The following RAP1A variants were observed in gnomAD, a reference collection of about 807,000 sequenced individuals.
The protein encoded by RAP1A is RAP1A, member of RAS oncogene family.
Under a neutral mutation model 26.4 loss-of-function variants are expected in RAP1A, and 6 were observed. The ratio of observed to expected loss-of-function variants is 0.23; its 90% CI spans 0.12 to 0.45. The LOEUF (loss-of-function observed/expected upper bound fraction) is 0.45. Among genes scored for constraint, RAP1A ranks in the 20% least tolerant of loss-of-function variants. The pLI is 0.99. For synonymous variants in RAP1A, 73 were observed against 79.4 expected (o/e 0.92, Z 0.43); for missense variants, 121 against 217.2 (o/e 0.56, Z 2.78).
At chr1:111,690,982 G>A (rs1661648083) in intron 1 of RAP1A, among the ~76,000 whole-genome samples, 1 of 152,182 alleles carries the variant, frequency 6.6e-6, no homozygotes, top group South Asian at 2.1e-4. Flanking sequence ...TTTTTAAACA[G>A]TACATAAGTT....
intron 1 of RAP1A, among the ~76,000 whole-genome samples, chr1:111,645,750 C>T (rs1199155212): frequency 1.3e-5 from 2 of 152,212 alleles, no homozygotes; most frequent in East Asian, 3.8e-4. Flanking sequence ...GGTTAAGACA[C>T]TTGCCAAGGA....
intron 1 of RAP1A, among the ~76,000 whole-genome samples, chr1:111,666,489 G>A (rs1296049189): frequency 1.3e-5 from 2 of 152,004 alleles, no homozygotes; most frequent in Non-Finnish European, 2.9e-5. Flanking sequence ...TAACAACATG[G>A]TAGTCATTGA....
intron 1 of RAP1A, among the ~76,000 whole-genome samples, chr1:111,584,488 T>A (rs1188263295): frequency 1.3e-5 from 2 of 152,138 alleles, no homozygotes; most frequent in African/African-American, 4.8e-5. Flanking sequence ...GAAAGCACCC[T>A]CAAGCCTCTT....
At chr1:111,632,664 G>T (rs912241084) in intron 1 of RAP1A, among the ~76,000 whole-genome samples, 1 of 152,104 alleles carries the variant, frequency 6.6e-6, no homozygotes. Context: ...TGTAATCCCA[G>T]CACTTTGGGA....
chr1:111,650,969 T>A (rs1660250161), intron 1 of RAP1A, among the ~76,000 whole-genome samples: 2 of 151,994 alleles, frequency 1.3e-5, no homozygotes, highest in Non-Finnish European at 2.9e-5. Flanking sequence ...GCCCGGCTAA[T>A]TTTTTTGTAT....
intron 1 of RAP1A, among the ~76,000 whole-genome samples, chr1:111,643,090 G>A (rs999095868): frequency 6.6e-6 from 1 of 152,086 alleles, no homozygotes; most frequent in Non-Finnish European, 1.5e-5. Flanking sequence ...TTTTGTAAGG[G>A]GCCAGATAGT....
chr1:111,671,746 T>A (rs974288707), intron 1 of RAP1A, among the ~76,000 whole-genome samples: 1 of 152,246 alleles, frequency 6.6e-6, no homozygotes, highest in Non-Finnish European at 1.5e-5. Context: ...AGTGCTGGGA[T>A]TACAGGCATG....
chr1:111,704,033 G>A (rs181880343), intron 5 of RAP1A, among the ~76,000 whole-genome samples: 7 of 152,168 alleles, frequency 4.6e-5, no homozygotes, highest in African/African-American at 1.7e-4. Flanking sequence ...AGGCTCCTGA[G>A]CTCAAGCAGT....
intron 1 of RAP1A, among the ~76,000 whole-genome samples, chr1:111,653,339 G>T (rs943696154): frequency 6.6e-6 from 1 of 152,118 alleles, no homozygotes; most frequent in African/African-American, 2.4e-5. Flanking sequence ...AGTGATGGTG[G>T]TTATAACAGC....
chr1:111,662,447 T>C (rs1351167517), intron 1 of RAP1A, among the ~76,000 whole-genome samples: 5 of 150,152 alleles, frequency 3.3e-5, no homozygotes, highest in African/African-American at 1.2e-4. Flanking sequence ...AGATTGTTCC[T>C]CAATCAGATG....
rs988092361 is a variant in RAP1A at position 111,608,637 on chromosome 1, G to A, written c.-28+66128G>A. 3.0e-5 allele frequency: 5 copies of A among 168,916 alleles called. No homozygotes were observed. In the South Asian group the frequency reaches 7.2e-4, roughly 24 times the overall value. 10.5% of individuals were successfully genotyped at this position (168,916 alleles called of 1,614,324 possible). ...TTGAGCACTGAGTGAACCAGACTCC[G>A]TCTGCAATCCCCGCACCCCGGGAGG... On this transcript the variant is annotated intron_variant, in intron 1 of 7. Coordinates refer to the RAP1A transcript ENST00000356415.
At chr1:111,552,198 G>C (rs1012747231) in intron 1 of RAP1A, among the ~76,000 whole-genome samples, 4 of 152,152 alleles carry the variant, frequency 2.6e-5, no homozygotes, top group Non-Finnish European at 5.9e-5. Context: ...CATCTCTTAG[G>C]GAGTCACCAG....
intron 1 of RAP1A, among the ~76,000 whole-genome samples, chr1:111,573,278 T>C (rs917034635): frequency 6.6e-6 from 1 of 152,206 alleles, no homozygotes; most frequent in African/African-American, 2.4e-5. Context: ...ATGGGACAAA[T>C]GGTAGCTGTT....
intron 1 of RAP1A, among the ~76,000 whole-genome samples, chr1:111,580,864 A>AT (rs1658243457): frequency 2.4e-5 from 1 of 42,356 alleles, no homozygotes; most frequent in Non-Finnish European, 9.0e-5. Context: ...AAAACAAAAA[A>AT]CAAAAAAAAA....
intron 1 of RAP1A, among the ~76,000 whole-genome samples, chr1:111,647,186 G>A (rs1021902933): frequency 2.0e-5 from 3 of 152,142 alleles, no homozygotes; most frequent in Non-Finnish European, 4.4e-5. Context: ...TCTCATAGGA[G>A]TGCAAACCCT....
intron 1 of RAP1A, among the ~76,000 whole-genome samples, chr1:111,594,908 C>T (rs1162216492): frequency 6.6e-6 from 1 of 152,188 alleles, no homozygotes; most frequent in Non-Finnish European, 1.5e-5. Context: ...AGCCATAGTT[C>T]CAACCCTCAA....
chr1:111,662,277 C>G (rs377031771), intron 1 of RAP1A, among the ~76,000 whole-genome samples: 2 of 151,728 alleles, frequency 1.3e-5, no homozygotes, highest in African/African-American at 4.8e-5. Flanking sequence ...TGCCTGTAGT[C>G]CCAGCTACTC....
chr1:111,567,022 A>G (rs1657932216), intron 1 of RAP1A, among the ~76,000 whole-genome samples: 2 of 152,080 alleles, frequency 1.3e-5, no homozygotes, highest in African/African-American at 2.4e-5. Context: ...TAGTTTTAGG[A>G]GGCCATATTT....
chr1:111,677,978 C>A (rs1661178931), intron 1 of RAP1A, among the ~76,000 whole-genome samples: 2 of 152,164 alleles, frequency 1.3e-5, no homozygotes, highest in Non-Finnish European at 2.9e-5. Context: ...GTTTCGACTT[C>A]TGGACTTAAT....
Sources: gnomAD v4.1 joint callset for allele counts (sites outside exome capture counted in the v4.1 genomes callset) on GRCh38, gnomAD v4.1.1 for gene constraint, MANE v1.5 for transcripts, NCBI Gene and HGNC (gene_info 2026-07-23, HGNC 2026-07-21) for gene names.